The following PDSS2 variants were observed in gnomAD, a reference collection of about 807,000 sequenced individuals.
PDSS2 encodes decaprenyl diphosphate synthase subunit 2.
A neutral mutation model predicts 44.5 loss-of-function variants in PDSS2; 31 were observed. The observed-to-expected ratio is 0.70, with a 90% CI of 0.52 to 0.94. The LOEUF (loss-of-function observed/expected upper bound fraction) is 0.94. PDSS2 is among the 40% of genes least tolerant of loss of function. PDSS2 has a pLI of 0.00. For synonymous variants in PDSS2, 157 were observed against 180.3 expected, an observed-to-expected ratio of 0.87 and a Z score of 1.03; for missense variants, 452 against 482.2, an observed-to-expected ratio of 0.94 and a Z score of 0.59.
intron 1 of PDSS2, among the ~76,000 whole-genome samples, chr6:107,349,350 G>A (rs1197364460): frequency 1.3e-5 from 2 of 151,424 alleles, no homozygotes; most frequent in African/African-American, 2.4e-5. Context: ...GGAGAATGGC[G>A]TGAACCTGGG....
At chr6:107,170,911 C>A (rs1771551667) in intron 7 of PDSS2, among the ~76,000 whole-genome samples, 1 of 152,116 alleles carries the variant, frequency 6.6e-6, no homozygotes, top group Admixed American at 6.6e-5. Flanking sequence ...CTGCACCCAG[C>A]CAGGTTTATA....
intron 1 of PDSS2, among the ~76,000 whole-genome samples, chr6:107,402,427 AAT>A (rs1324831449): frequency 1.1e-4 from 1 of 9,498 alleles, no homozygotes; most frequent in African/African-American, 3.6e-4. Context: ...GAGACTGGGT[AAT>A]ATATATATAC....
rs568677178 is a variant in PDSS2, at chr6:107,457,761, G to A, written c.296+1229C>T. Among the ~76,000 whole-genome samples the A allele has an allele frequency of 5.9e-5, 9 of 152,266 alleles. No individual in the cohort carries two copies. In the East Asian group the frequency reaches 7.7e-4, roughly 13 times the overall value. On this transcript the variant is annotated intron_variant, in intron 1 of 7. Coordinates refer to ENST00000369037, the MANE Select transcript of PDSS2 (RefSeq NM_020381.4). ...CCTGGACTGAATCCTGTCCTGGAGG[G>A]TAAAGAATGCTATAAAGAACATTAT...
chr6:107,402,437 T>TAC lies in PDSS2; in HGVS notation c.296+56551_296+56552dup, dbSNP rs1174489186. On this transcript the variant is annotated intron_variant, in intron 1 of 7. Transcript: ENST00000369037. Reference sequence around the variant, plus strand: ...TACCAGAGACTGGGTAATATATATATACACACACACACACACATATATATA... The same window carrying TAC: ...TACCAGAGACTGGGTAATATATATATACACACACACACACACACATATATATA... 9.4e-3 allele frequency among the ~76,000 whole-genome samples: 1,181 copies of TAC among 125,670 alleles called. 7 individuals carry two copies. The highest frequency in any genetic ancestry group is 0.012 in the African/African-American group (400 of 34,668). The allele number at this position is 125,670 out of a possible 152,430, so 82.4% of individuals were successfully genotyped here. A position where few individuals can be genotyped will look rare whatever the true frequency, so the allele number is the denominator to read the frequency against.
chr6:107,431,247 C>T (rs760369457), intron 1 of PDSS2, among the ~76,000 whole-genome samples: 10 of 152,168 alleles, frequency 6.6e-5, no homozygotes, highest in South Asian at 2.1e-4. Context: ...TTAACTGTCA[C>T]CCTTTTTCTT....
intron 1 of PDSS2, among the ~76,000 whole-genome samples, chr6:107,404,537 T>C (rs1780245713): frequency 6.6e-6 from 1 of 152,184 alleles, no homozygotes; most frequent in Non-Finnish European, 1.5e-5. Flanking sequence ...TCCACATGGC[T>C]GGGAAGGACT....
At chr6:107,416,534 C>A (rs1196945308) in intron 1 of PDSS2, among the ~76,000 whole-genome samples, 2 of 152,172 alleles carry the variant, frequency 1.3e-5, no homozygotes, top group African/African-American at 4.8e-5. Context: ...TACTATAATT[C>A]TCAATTATTT....
chr6:107,367,511 C>T (rs917989712), intron 1 of PDSS2, among the ~76,000 whole-genome samples: 4 of 152,202 alleles, frequency 2.6e-5, no homozygotes, highest in Non-Finnish European at 1.5e-5. Flanking sequence ...AGGCCGGGCA[C>T]AGTGGCTCAC....
chr6:107,271,891 G>A (rs1775610063), intron 3 of PDSS2, among the ~76,000 whole-genome samples: 2 of 151,574 alleles, frequency 1.3e-5, no homozygotes, highest in African/African-American at 2.4e-5. Context: ...GCAAAAGCCC[G>A]TCTCTAAAAA....
rs74436102 is a variant in PDSS2 at position 107,303,772 on chromosome 6, G to A, written c.432-29545C>T. ...CTATTATTGTAAACACTGCTGCACC[G>A]AACATCTTCATACATATATCCATGT... is the stretch of plus-strand genomic sequence containing the variant. On this transcript the variant is annotated intron_variant, in intron 2 of 7. Coordinates refer to ENST00000369037, the MANE Select transcript of PDSS2 (RefSeq NM_020381.4). Among the ~76,000 whole-genome samples the A allele has an allele frequency of 0.013, 2,006 of 152,190 alleles. 115 individuals are homozygous for A. The East Asian group carries it at 0.19, about 14-fold the overall frequency.
intron 1 of PDSS2, among the ~76,000 whole-genome samples, chr6:107,420,268 CCTT>C (rs1780783144): frequency 6.6e-6 from 1 of 152,198 alleles, no homozygotes; most frequent in Admixed American, 6.5e-5. Context: ...AGTACCGTCA[CCTT>C]CTTCTAGCCT....
chr6:107,160,651 T>G (rs1318660070), intron 7 of PDSS2, among the ~76,000 whole-genome samples: 1 of 146,794 alleles, frequency 6.8e-6, no homozygotes, highest in Admixed American at 6.8e-5. Context: ...CCTCGGCCAG[T>G]TGATGTCTTG....
rs550378441 is a variant in PDSS2, at chr6:107,411,586, GA to G, written c.296+47403del. Among the ~76,000 whole-genome samples, 637 of 151,962 alleles carry G rather than the reference GA, an allele frequency of 4.2e-3. 4 individuals are homozygous for G. Among genetic ancestry groups the G allele is most frequent in the African/African-American group, 0.014 (591 of 41,430 alleles). On this transcript the variant is annotated intron_variant, in intron 1 of 7. Coordinates refer to ENST00000369037, the MANE Select transcript of PDSS2 (RefSeq NM_020381.4). ...ACCAACCACAGATCAAAAATATTCA[GA>G]AAAAAAATAGATGGTTGTGTCAGTA...
chr6:107,407,746 C>A (rs1780366291), intron 1 of PDSS2, among the ~76,000 whole-genome samples: 1 of 152,178 alleles, frequency 6.6e-6, no homozygotes, highest in African/African-American at 2.4e-5. Context: ...GTTGCCCAGG[C>A]TGGAGTGCAG....
intron 1 of PDSS2, among the ~76,000 whole-genome samples, chr6:107,350,381 C>T (rs1778393379): frequency 2.1e-5 from 3 of 141,760 alleles, no homozygotes; most frequent in Non-Finnish European, 4.9e-5. Flanking sequence ...GCATCATTAG[C>T]TCAATAAAAA....
chr6:107,267,708 G>C (rs889990468), intron 3 of PDSS2, among the ~76,000 whole-genome samples: 2 of 150,586 alleles, frequency 1.3e-5, no homozygotes, highest in African/African-American at 2.4e-5. Context: ...ACCTCAGCCT[G>C]CTGAGTAGCT....
chr6:107,421,101 C>T (rs1427175668), intron 1 of PDSS2, among the ~76,000 whole-genome samples: 1 of 152,142 alleles, frequency 6.6e-6, no homozygotes, highest in East Asian at 1.9e-4. Flanking sequence ...AAACGTTCGA[C>T]ATCATTAGGC....
At chr6:107,409,625 A>G (rs1458662390) in intron 1 of PDSS2, among the ~76,000 whole-genome samples, 1 of 152,156 alleles carries the variant, frequency 6.6e-6, no homozygotes, top group African/African-American at 2.4e-5. Flanking sequence ...TTCACCATCA[A>G]TATAATCTCC....
intron 1 of PDSS2, among the ~76,000 whole-genome samples, chr6:107,347,902 A>G (rs1417366781): frequency 1.3e-5 from 2 of 152,220 alleles, no homozygotes; most frequent in Non-Finnish European, 2.9e-5. Context: ...CTATAGCTAT[A>G]AAGGACTAGG....
Sources: allele counts gnomAD v4.1 joint callset (sites outside exome capture counted in the v4.1 genomes callset), GRCh38; gene constraint gnomAD v4.1.1; transcripts MANE v1.5; gene names NCBI Gene and HGNC (gene_info 2026-07-23, HGNC 2026-07-21).